The following CTNNA3 variants were observed in gnomAD, a reference collection of about 807,000 sequenced individuals.
The protein encoded by CTNNA3 is catenin alpha 3, also known as catenin alpha-3.
In CTNNA3, 76 loss-of-function variants were observed where a neutral mutation model predicts 95.7. The ratio of observed to expected loss-of-function variants is 0.79; its 90% CI spans 0.66 to 0.96. The LOEUF is 0.96. CTNNA3 is among the 40% of genes least tolerant of loss of function. CTNNA3 has a pLI of 0.00. For missense variants in CTNNA3, 1,191 were observed against 1,089.8 expected (o/e 1.09, Z -1.31); for synonymous variants, 431 against 374.4 (o/e 1.15, Z -1.74).
chr10:66,083,097 A>G (rs978918059), intron 14 of CTNNA3, among the ~76,000 whole-genome samples: 1 of 152,102 alleles, frequency 6.6e-6, no homozygotes, highest in Non-Finnish European at 1.5e-5. Flanking sequence ...GGGCTTAAGT[A>G]AACAAGAAAA....
rs563816366 is a variant in CTNNA3 at position 66,616,736 on chromosome 10, C to G, written c.1374+4956G>C. Among the ~76,000 whole-genome samples, 7 of 152,124 alleles carry G rather than the reference C, an allele frequency of 4.6e-5. No individual in the cohort carries two copies. The South Asian group carries it at 6.2e-4, about 14-fold the overall frequency. On this transcript the variant is annotated intron_variant, in intron 10 of 17. Transcript: ENST00000433211. ...TAGAAACTCAGGGCCACCCTATTAG[C>G]TCCTCCTGACCCAGGACTTAACTGA...
intron 17 of CTNNA3, among the ~76,000 whole-genome samples, chr10:65,954,097 A>C (rs563849265): frequency 1.3e-5 from 2 of 152,200 alleles, no homozygotes; most frequent in Non-Finnish European, 2.9e-5. Context: ...GTGAGATGGT[A>C]TCTCACTGTG....
intron 15 of CTNNA3, among the ~76,000 whole-genome samples, chr10:66,035,537 AT>A (rs3884199): frequency 0.018 from 2,706 of 147,086 alleles, 84 homozygotes; most frequent in African/African-American, 0.059. Flanking sequence ...GAATGAGGGT[AT>A]TTTTTTTTTT....
intron 10 of CTNNA3, among the ~76,000 whole-genome samples, chr10:66,540,875 A>C (rs779926856): frequency 6.6e-6 from 1 of 152,104 alleles, no homozygotes; most frequent in Non-Finnish European, 1.5e-5. Flanking sequence ...ATTCCCTCTC[A>C]GGCTTTATCT....
At chr10:67,037,585 G>T (rs1854141288) in intron 7 of CTNNA3, among the ~76,000 whole-genome samples, 1 of 152,090 alleles carries the variant, frequency 6.6e-6, no homozygotes, top group Non-Finnish European at 1.5e-5. Flanking sequence ...ATGACTGGAT[G>T]CAAGGAGATG....
intron 1 of CTNNA3, 77 bp from the exon 2 acceptor site, chr10:67,647,595 A>C: frequency 8.2e-7 from 1 of 1,213,098 alleles, no homozygotes; most frequent in East Asian, 2.4e-5. Flanking sequence ...AAATCATGGA[A>C]TAGGTAAAAC....
At chr10:67,080,841 A>G (rs10733834) in intron 7 of CTNNA3, among the ~76,000 whole-genome samples, 95,723 of 151,408 alleles carry the variant, frequency 0.63, 31,795 homozygotes, top group African/African-American at 0.85. Context: ...CCCGGGAGGC[A>G]GAGCTTGCAG....
At chr10:67,694,484 C>T (rs1404480131) in intron 1 of CTNNA3, among the ~76,000 whole-genome samples, 1 of 151,998 alleles carries the variant, frequency 6.6e-6, no homozygotes, top group East Asian at 1.9e-4. Flanking sequence ...CAGTTAGAAA[C>T]AGAGATTAAG....
At chr10:66,074,224 A>AATAT (rs5785746) in intron 14 of CTNNA3, among the ~76,000 whole-genome samples, 1 of 150,444 alleles carries the variant, frequency 6.6e-6, no homozygotes. Flanking sequence ...CCACTCTACA[A>AATAT]ATATATATAT....
At chr10:66,205,800 A>AT (rs1180170581) in intron 13 of CTNNA3, among the ~76,000 whole-genome samples, 4 of 152,032 alleles carry the variant, frequency 2.6e-5, no homozygotes, top group African/African-American at 9.6e-5. Flanking sequence ...AAAGCCTGTC[A>AT]TTATGTGTAG....
At chr10:67,036,811 T>G (rs999991855) in intron 7 of CTNNA3, among the ~76,000 whole-genome samples, 1 of 152,074 alleles carries the variant, frequency 6.6e-6, no homozygotes, top group Non-Finnish European at 1.5e-5. Flanking sequence ...AAAACACATA[T>G]AATTCTAACT....
At chr10:66,374,216 T>C (rs996188356) in intron 12 of CTNNA3, among the ~76,000 whole-genome samples, 1 of 152,178 alleles carries the variant, frequency 6.6e-6, no homozygotes, top group Non-Finnish European at 1.5e-5. Context: ...TGGGAGAAAC[T>C]TGTATGTAAA....
intron 1 of CTNNA3, among the ~76,000 whole-genome samples, chr10:67,728,047 T>G (rs370012163): frequency 7.1e-6 from 1 of 141,178 alleles, no homozygotes; most frequent in African/African-American, 2.6e-5. Flanking sequence ...TAATTATAAT[T>G]ATATATAATT....
intron 7 of CTNNA3, among the ~76,000 whole-genome samples, chr10:66,979,467 C>A (rs1444101625): frequency 6.6e-6 from 1 of 152,046 alleles, no homozygotes; most frequent in African/African-American, 2.4e-5. Flanking sequence ...GAGTTTCTGG[C>A]ATAAAATTCT....
At chr10:66,477,466 G>C (rs1163230415) in intron 11 of CTNNA3, among the ~76,000 whole-genome samples, 1 of 152,024 alleles carries the variant, frequency 6.6e-6, no homozygotes, top group East Asian at 1.9e-4. Context: ...CTACTTATGT[G>C]GTTGACAGTA....
chr10:67,592,784 A>T (rs540849926), intron 3 of CTNNA3, among the ~76,000 whole-genome samples: 149 of 152,272 alleles, frequency 9.8e-4, no homozygotes, highest in African/African-American at 3.4e-3. Flanking sequence ...TAACAGACAA[A>T]ATATATAAAC....
At chr10:66,018,859 A>T (rs1249452559) in intron 15 of CTNNA3, among the ~76,000 whole-genome samples, 2 of 152,090 alleles carry the variant, frequency 1.3e-5, no homozygotes, top group Non-Finnish European at 2.9e-5. Context: ...TTGAAGGAAA[A>T]AAAATAGGAA....
intron 15 of CTNNA3, among the ~76,000 whole-genome samples, chr10:66,034,751 T>G (rs2079526282): frequency 6.6e-6 from 1 of 152,166 alleles, no homozygotes; most frequent in Admixed American, 6.5e-5. Context: ...AAGGGATCAG[T>G]TTTAGCCAAT....
At chr10:67,027,436 C>CT (rs5785811) in intron 7 of CTNNA3, among the ~76,000 whole-genome samples, 3,716 of 134,304 alleles carry the variant, frequency 0.028, 128 homozygotes, top group African/African-American at 0.055. Context: ...TCTTTCATGA[C>CT]TTTTTTTTTT....
Sources: allele counts gnomAD v4.1 joint callset (sites outside exome capture counted in the v4.1 genomes callset), GRCh38; gene constraint gnomAD v4.1.1; transcripts MANE v1.5; gene names NCBI Gene and HGNC (gene_info 2026-07-23, HGNC 2026-07-21).